ZBTB20: variants seen among roughly 807,000 people sequenced by gnomAD.
The protein encoded by ZBTB20 is zinc finger and BTB domain-containing protein 20.
In ZBTB20, 9 loss-of-function variants were observed where a neutral mutation model predicts 56.9. That is an observed-to-expected ratio of 0.16 (90% CI 0.10 to 0.28). The LOEUF (loss-of-function observed/expected upper bound fraction) is 0.28, where lower values mean the gene tolerates loss of function less well. Among genes scored for constraint, ZBTB20 ranks in the 10% least tolerant of loss-of-function variants. The probability of loss-of-function intolerance (pLI) is 1.00; values close to 1 mark genes in which losing one functional copy is unlikely to be tolerated. For synonymous variants in ZBTB20, 417 were observed against 420.7 expected, an observed-to-expected ratio of 0.99 and a Z score of 0.11; for missense variants, 655 against 1,003.0, an observed-to-expected ratio of 0.65 and a Z score of 4.69.
chr3:114,406,764 T>C (rs1310816031), intron 7 of ZBTB20, among the ~76,000 whole-genome samples: 2 of 152,110 alleles, frequency 1.3e-5, no homozygotes, highest in African/African-American at 2.4e-5. Context: ...CCTATATTTT[T>C]TCAAACTGAA....
intron 2 of ZBTB20, among the ~76,000 whole-genome samples, chr3:114,981,628 T>C (rs972711634): frequency 6.6e-6 from 1 of 152,076 alleles, no homozygotes; most frequent in Non-Finnish European, 1.5e-5. Context: ...TTTATTTGTA[T>C]TTACTTATTT....
chr3:114,804,558 G>A (rs146929598), intron 4 of ZBTB20, among the ~76,000 whole-genome samples: 1,752 of 151,954 alleles, frequency 0.012, 15 homozygotes, highest in South Asian at 0.041. Context: ...AGACAGCCCT[G>A]TTTGTGGTCA....
chr3:114,576,218 A>T (rs1178735713), intron 6 of ZBTB20, among the ~76,000 whole-genome samples: 1 of 152,092 alleles, frequency 6.6e-6, no homozygotes, highest in African/African-American at 2.4e-5. Flanking sequence ...ATAATAATTT[A>T]GCCGGGCGTG....
chr3:114,806,826 C>A (rs1220527462), intron 4 of ZBTB20, among the ~76,000 whole-genome samples: 2 of 151,896 alleles, frequency 1.3e-5, no homozygotes, highest in African/African-American at 4.8e-5. Context: ...TCATTTATAT[C>A]GCATATAATC....
intron 7 of ZBTB20, among the ~76,000 whole-genome samples, chr3:114,430,487 T>C (rs1002959516): frequency 2.0e-5 from 3 of 152,208 alleles, no homozygotes; most frequent in African/African-American, 7.2e-5. Context: ...AGTCTTTTTA[T>C]TGGATATCTA....
At chr3:114,889,831 A>G (rs1185834466) in intron 4 of ZBTB20, among the ~76,000 whole-genome samples, 1 of 152,146 alleles carries the variant, frequency 6.6e-6, no homozygotes, top group African/African-American at 2.4e-5. Flanking sequence ...TGCAATAACT[A>G]GAGCAAATAA....
At chr3:114,488,026 C>G (rs2042327181) in intron 7 of ZBTB20, among the ~76,000 whole-genome samples, 1 of 152,174 alleles carries the variant, frequency 6.6e-6, no homozygotes, top group African/African-American at 2.4e-5. Flanking sequence ...AGGCAGAGCG[C>G]TGATGATAAT....
At chr3:114,626,142 G>A (rs2058647813) in intron 6 of ZBTB20, among the ~76,000 whole-genome samples, 1 of 152,158 alleles carries the variant, frequency 6.6e-6, no homozygotes, top group Non-Finnish European at 1.5e-5. Flanking sequence ...GGAGTAATGA[G>A]GACCCACCAC....
chr3:114,609,935 T>C (rs1007654915), intron 6 of ZBTB20, among the ~76,000 whole-genome samples: 3 of 152,218 alleles, frequency 2.0e-5, no homozygotes, highest in Non-Finnish European at 2.9e-5. Context: ...AGTCAACATT[T>C]GCAAGGTCTG....
rs571862740 is a variant in ZBTB20 at position 115,018,085 on chromosome 3, T to C, written c.-506-43669A>G. On this transcript the variant is annotated intron_variant, in intron 2 of 11. Coordinates refer to ENST00000675478, the MANE Select transcript of ZBTB20 (RefSeq NM_001348800.3). ...CACATTGAATCACTGCTGATTTGTATGCATGAAGTTACCAGGACTTCTAAT... is the reference window on the plus strand; with the variant it reads ...CACATTGAATCACTGCTGATTTGTACGCATGAAGTTACCAGGACTTCTAAT... Among the ~76,000 whole-genome samples, 6 of 151,606 alleles carry C rather than the reference T, an allele frequency of 4.0e-5. No individual in the cohort carries two copies. In the South Asian group the frequency reaches 1.2e-3, roughly 31 times the overall value.
chr3:114,717,627 G>T (rs1236306666), intron 5 of ZBTB20, among the ~76,000 whole-genome samples: 1 of 152,062 alleles, frequency 6.6e-6, no homozygotes, highest in African/African-American at 2.4e-5. Context: ...TTGATCCCAA[G>T]ACTCCCTCCA....
At position 115,114,850 on chromosome 3, in the gene ZBTB20, C is replaced by A. The variant is rs537311261; in HGVS notation, c.-703+32369G>T. Among the ~76,000 whole-genome samples the A allele has an allele frequency of 3.9e-5, 6 of 152,086 alleles. No homozygotes were observed. The South Asian group carries it at 1.2e-3, about 32-fold the overall frequency. ...TATTTTTCAAAAATATACATTAGAGCGCATAGTATGGACAGTCACCTGTCA... is the reference window on the plus strand; with the variant it reads ...TATTTTTCAAAAATATACATTAGAGAGCATAGTATGGACAGTCACCTGTCA... On this transcript the variant is annotated intron_variant, in intron 1 of 11. Coordinates refer to ENST00000675478, the MANE Select transcript of ZBTB20 (RefSeq NM_001348800.3).
intron 1 of ZBTB20, among the ~76,000 whole-genome samples, chr3:115,120,541 A>T (rs1459093781): frequency 6.6e-6 from 1 of 152,130 alleles, no homozygotes; most frequent in African/African-American, 2.4e-5. Context: ...GATTGAAACC[A>T]TCAGGATGAA....
intron 7 of ZBTB20, among the ~76,000 whole-genome samples, chr3:114,451,528 TTAAA>T (rs1488283734): frequency 6.6e-6 from 1 of 152,098 alleles, no homozygotes; most frequent in African/African-American, 2.4e-5. Flanking sequence ...AGCTTTGTCT[TTAAA>T]TAAAGCATCA....
At chr3:114,363,488 A>T (rs2082087654) in intron 10 of ZBTB20, among the ~76,000 whole-genome samples, 1 of 152,224 alleles carries the variant, frequency 6.6e-6, no homozygotes. Context: ...TGTGAAAAAC[A>T]TTACAATGAG....
intron 7 of ZBTB20, among the ~76,000 whole-genome samples, chr3:114,496,940 G>A (rs2043346734): frequency 6.6e-6 from 1 of 152,196 alleles, no homozygotes; most frequent in Admixed American, 6.5e-5. Context: ...ATGGGCAGTA[G>A]GAGGCACGCG....
intron 2 of ZBTB20, among the ~76,000 whole-genome samples, chr3:114,986,371 G>A (rs114293311): frequency 4.3e-3 from 661 of 152,060 alleles, no homozygotes; most frequent in Non-Finnish European, 6.0e-3. Context: ...ACAAACACTC[G>A]GTTGAAGTTC....
chr3:114,554,551 G>A (rs1396086886), intron 6 of ZBTB20, among the ~76,000 whole-genome samples: 1 of 152,080 alleles, frequency 6.6e-6, no homozygotes, highest in Non-Finnish European at 1.5e-5. Context: ...ATCTGATGAA[G>A]AAAAAGGAAG....
At chr3:115,092,114 T>C (rs2083219657) in intron 1 of ZBTB20, among the ~76,000 whole-genome samples, 3 of 152,140 alleles carry the variant, frequency 2.0e-5, no homozygotes, top group Admixed American at 6.6e-5. Context: ...AGGAGAAAAG[T>C]AGTAAAGTGC....
Sources: gnomAD v4.1 joint callset for allele counts (sites outside exome capture counted in the v4.1 genomes callset) on GRCh38, gnomAD v4.1.1 for gene constraint, MANE v1.5 for transcripts, NCBI Gene and HGNC (gene_info 2026-07-23, HGNC 2026-07-21) for gene names.